Variants in MYRFL observed in about 807,000 individuals in gnomAD.
The protein encoded by MYRFL is myelin regulatory factor like, also known as myelin regulatory factor-like protein.
In MYRFL, 88 loss-of-function variants were observed where a neutral mutation model predicts 109.4. That is an observed-to-expected ratio of 0.80 (90% CI 0.68 to 0.96). The LOEUF (loss-of-function observed/expected upper bound fraction) is 0.96, where lower values mean the gene tolerates loss of function less well. Among genes scored for constraint, MYRFL ranks in the 40% least tolerant of loss-of-function variants. The pLI, the probability that MYRFL is intolerant of heterozygous loss-of-function variation, is 0.00. For synonymous variants in MYRFL, 324 were observed against 320.9 expected (o/e 1.01, Z -0.10); for missense variants, 957 against 954.9 (o/e 1.00, Z -0.03).
chr12:69,905,794 T>C (rs1954338241), intron 11 of MYRFL, among the ~76,000 whole-genome samples: 1 of 152,240 alleles, frequency 6.6e-6, no homozygotes, highest in Non-Finnish European at 1.5e-5. Context: ...ATTTTTGAGA[T>C]ATATATTTGT....
Position 69,954,994 on chromosome 12 carries a change from T to C in MYRFL, c.2376-369T>C, listed in dbSNP as rs371245349. ...TTTATTATTCTAGGGGCATTATTAG[T>C]TTGGGGCTTTGCCTCATTTGTCTTC... On this transcript the variant is annotated intron_variant, in intron 21 of 24. Coordinates refer to ENST00000552032, the MANE Select transcript of MYRFL (RefSeq NM_182530.3). 6.6e-5 allele frequency among the ~76,000 whole-genome samples: 10 copies of C among 152,312 alleles called. No homozygotes were observed. In the South Asian group the frequency reaches 1.2e-3, roughly 19 times the overall value.
At chr12:69,837,079 T>G (rs1217660685) in intron 1 of MYRFL, among the ~76,000 whole-genome samples, 1 of 152,176 alleles carries the variant, frequency 6.6e-6, no homozygotes, top group Admixed American at 6.5e-5. Context: ...TTGACAGATA[T>G]GCCTAAAATC....
At chr12:69,913,449 G>A (rs904322694) in intron 13 of MYRFL, among the ~76,000 whole-genome samples, 2 of 152,080 alleles carry the variant, frequency 1.3e-5, no homozygotes, top group African/African-American at 4.8e-5. Flanking sequence ...TTACATTCCT[G>A]TTTTTGATCC....
chr12:69,930,387 C>CT (rs1955231350), intron 15 of MYRFL, among the ~76,000 whole-genome samples: 1 of 152,204 alleles, frequency 6.6e-6, no homozygotes, highest in African/African-American at 2.4e-5. Flanking sequence ...TAGGGTTCCT[C>CT]TTTTTTCCCT....
intron 1 of MYRFL, among the ~76,000 whole-genome samples, chr12:69,829,590 A>G (rs1291901892): frequency 3.3e-5 from 5 of 152,164 alleles, no homozygotes; most frequent in Admixed American, 3.3e-4. Flanking sequence ...AGAACAGTGC[A>G]AAAGACTAGT....
chr12:69,945,272 C>T lies in MYRFL; in HGVS notation c.2225-6841C>T, dbSNP rs1385022146. ...GTCCCAGGCCTTCAGATTCACTCAC[C>T]GCTCACTCACTGATTGACTCAGAGC... On this transcript the variant is annotated intron_variant, in intron 19 of 24. Transcript: ENST00000552032. 3.3e-5 allele frequency among the ~76,000 whole-genome samples: 5 copies of T among 152,040 alleles called. No individual in the cohort carries two copies. The South Asian group carries it at 8.3e-4, about 25-fold the overall frequency.
rs562526874 is a variant in MYRFL, at chr12:69,892,394, T to C, written c.903+1228T>C. Among the ~76,000 whole-genome samples, 8 of 151,050 alleles carry C rather than the reference T, an allele frequency of 5.3e-5. No individual in the cohort carries two copies. In the South Asian group the frequency reaches 1.0e-3, roughly 20 times the overall value. Reference sequence around the variant, plus strand: ...GAGGGAGAAGCATTCATTATCTGCCTATTTTGTTGTTTTTGTTGTTGTTTT... The same window carrying C: ...GAGGGAGAAGCATTCATTATCTGCCCATTTTGTTGTTTTTGTTGTTGTTTT... On this transcript the variant is annotated intron_variant, in intron 7 of 24. Coordinates refer to ENST00000552032, the MANE Select transcript of MYRFL (RefSeq NM_182530.3).
intron 14 of MYRFL, among the ~76,000 whole-genome samples, chr12:69,927,047 G>A: frequency 7.1e-6 from 1 of 140,002 alleles, no homozygotes; most frequent in Non-Finnish European, 1.5e-5. Context: ...CAGATTCAAG[G>A]GATTCTCCTG....
intron 13 of MYRFL, among the ~76,000 whole-genome samples, chr12:69,912,713 C>T (rs571771589): frequency 6.6e-6 from 1 of 152,072 alleles, no homozygotes; most frequent in Non-Finnish European, 1.5e-5. Flanking sequence ...TTGATGAACT[C>T]TTGGGTTGCT....
chr12:69,881,160 G>T (rs1223975004), intron 5 of MYRFL, among the ~76,000 whole-genome samples: 1 of 151,832 alleles, frequency 6.6e-6, no homozygotes, highest in Non-Finnish European at 1.5e-5. Context: ...TTGTAAAGAT[G>T]GGTTTCACTA....
At chr12:69,920,295 T>C (rs1954869003) in intron 13 of MYRFL, among the ~76,000 whole-genome samples, 1 of 152,180 alleles carries the variant, frequency 6.6e-6, no homozygotes, top group Non-Finnish European at 1.5e-5. Flanking sequence ...TTTCCCAATA[T>C]GAAAAAGGAA....
intron 19 of MYRFL, among the ~76,000 whole-genome samples, chr12:69,950,179 G>A (rs1459769832): frequency 2.6e-5 from 4 of 151,986 alleles, no homozygotes; most frequent in East Asian, 3.9e-4. Flanking sequence ...GAAGGTTAAC[G>A]TTTCATTATT....
intron 14 of MYRFL, 64 bp from the exon 15 acceptor site, chr12:69,927,621 G>A: frequency 8.3e-7 from 1 of 1,204,024 alleles, no homozygotes; most frequent in Non-Finnish European, 1.2e-6. Flanking sequence ...GACAGCCTGG[G>A]CCTTTGTCAT....
intron 22 of MYRFL, among the ~76,000 whole-genome samples, chr12:69,955,993 A>C (rs1152951): frequency 6.6e-6 from 1 of 152,142 alleles, no homozygotes; most frequent in African/African-American, 2.4e-5. Context: ...ATTACATGAC[A>C]CCATAGCACA....
rs956110395 is a variant in MYRFL at position 69,926,739 on chromosome 12, G to C, written c.1766+5G>C. On this transcript the variant is annotated splice_donor_5th_base_variant and intron_variant, in intron 14 of 24. Transcript: ENST00000552032. Reference sequence around the variant, plus strand: ...CAGTGAAGCAAGCACAATCAGGTACGTGCAGCCAGGATTGCCATAGAAATT... The same window carrying C: ...CAGTGAAGCAAGCACAATCAGGTACCTGCAGCCAGGATTGCCATAGAAATT... The C allele has an allele frequency of 6.0e-5, 86 of 1,441,028 alleles. No homozygotes were observed. The highest frequency in any genetic ancestry group is 7.8e-5 in the Non-Finnish European group (85 of 1,096,118). 89.3% of individuals were successfully genotyped at this position (1,441,028 alleles called of 1,614,324 possible).
At chr12:69,897,002 G>A (rs1329893499) in intron 9 of MYRFL, among the ~76,000 whole-genome samples, 154 bp from the exon 10 acceptor site, 1 of 152,216 alleles carries the variant, frequency 6.6e-6, no homozygotes, top group Non-Finnish European at 1.5e-5. Flanking sequence ...TTTCACTGGG[G>A]GGACAACTTA....
intron 1 of MYRFL, among the ~76,000 whole-genome samples, chr12:69,831,726 GA>G (rs1640832884): frequency 6.6e-6 from 1 of 152,142 alleles, no homozygotes; most frequent in Non-Finnish European, 1.5e-5. Flanking sequence ...AGCCCTGGGG[GA>G]TTTCTATCCT....
At chr12:69,905,544 C>T (rs999535382) in intron 11 of MYRFL, among the ~76,000 whole-genome samples, 6 of 152,182 alleles carry the variant, frequency 3.9e-5, no homozygotes, top group African/African-American at 1.4e-4. Context: ...ACCACCAGCC[C>T]AGGAACTTTG....
intron 13 of MYRFL, among the ~76,000 whole-genome samples, chr12:69,919,326 T>A (rs1221772052): frequency 6.6e-6 from 1 of 152,198 alleles, no homozygotes; most frequent in Non-Finnish European, 1.5e-5. Flanking sequence ...ACTCAAGCCC[T>A]TTCCACAGAA....
Sources: allele counts gnomAD v4.1 joint callset (sites outside exome capture counted in the v4.1 genomes callset), GRCh38; gene constraint gnomAD v4.1.1; transcripts MANE v1.5; gene names NCBI Gene and HGNC (gene_info 2026-07-23, HGNC 2026-07-21).